The following ATIC variants were observed in gnomAD, a reference collection of about 807,000 sequenced individuals.
The protein encoded by ATIC is bifunctional purine biosynthesis protein ATIC.
In ATIC, 64 loss-of-function variants were observed where a neutral mutation model predicts 72.5. The observed-to-expected ratio is 0.88, with a 90% CI of 0.72 to 1.09. The LOEUF (loss-of-function observed/expected upper bound fraction) is 1.09. Ranked by LOEUF, ATIC falls within the 50% of genes least tolerant of loss-of-function variation. The probability of loss-of-function intolerance (pLI) is 0.00; values close to 1 mark genes in which losing one functional copy is unlikely to be tolerated. For synonymous variants in ATIC, 281 were observed against 267.1 expected (o/e 1.05, Z -0.51); for missense variants, 787 against 732.4 (o/e 1.07, Z -0.86).
chr2:215,364,780 C>T, the ATIC span: 109 of 792,936 alleles, frequency 1.4e-4, no homozygotes, highest in Non-Finnish European at 2.2e-4. Flanking sequence ...TTAATACTTC[C>T]GAAGGGTCTC....
At position 215,326,753 on chromosome 2, in the gene ATIC, G is replaced by A. The variant is rs552734441; in HGVS notation, c.532-69G>A. On this transcript the variant is annotated intron_variant, in intron 6 of 15. Transcript: ENST00000236959. ...TGAGGAGATGTTGTTTGCTGTGGAC[G>A]TAGAAAACCATCTTGTCCCCACTTT... 1.0e-5 allele frequency: 16 copies of A among 1,584,448 alleles called. No homozygotes were observed. The South Asian group carries it at 1.3e-4, about 13-fold the overall frequency.
the ATIC span, chr2:215,365,029 A>G: frequency 4.0e-6 from 5 of 1,265,522 alleles, no homozygotes; most frequent in South Asian, 3.8e-5. Context: ...GCTGAGAACA[A>G]TACTGCAGAC....
chr2:215,336,175 T>G, intron 11 of ATIC, 51 bp downstream of exon 11: 1 of 1,363,986 alleles, frequency 7.3e-7, no homozygotes, highest in Non-Finnish European at 1.0e-6. Flanking sequence ...ATTCTGTGTC[T>G]CTTTCTCCCT....
rs748288728 is a variant in ATIC at position 215,349,125 on chromosome 2, T to C, written c.1535T>C (p.Phe512Ser). ...GATTTGATAAAGTGGAAGGCACTGT[T>C]TGAGGAAGTCCCTGAGTTACTCACT... is the stretch of plus-strand genomic sequence containing the variant. ...DEDLIKWKAL[F>S]EEVPELLTEA... The change falls in exon 15 of 16, where the codon TTT (phenylalanine) becomes TCT (serine). Residue 512 changes from phenylalanine to serine, a missense_variant. By Grantham distance (155) the Phe-to-Ser change is radical (BLOSUM62 -2). Transcript: ENST00000236959. 6.2e-7 allele frequency: 1 copy of C among 1,614,090 alleles called. No individual in the cohort carries two copies. The highest frequency in any genetic ancestry group is 8.5e-7 in the Non-Finnish European group (1 of 1,180,002).
chr2:215,334,860 T>C (rs2052937812), intron 9 of ATIC, 59 bp from the exon 10 acceptor site: 8 of 1,370,846 alleles, frequency 5.8e-6, no homozygotes, highest in Middle Eastern at 1.8e-4. Flanking sequence ...GAGAATTTTA[T>C]TACTTTTTCT....
chr2:215,339,697 C>T (rs1339235421), intron 12 of ATIC, among the ~76,000 whole-genome samples: 4 of 151,756 alleles, frequency 2.6e-5, no homozygotes, highest in East Asian at 1.9e-4. Context: ...TGCAGTGGTG[C>T]GATCTCGGGT....
chr2:215,340,989 C>G (rs1313700880), intron 12 of ATIC, among the ~76,000 whole-genome samples: 2 of 152,150 alleles, frequency 1.3e-5, no homozygotes, highest in Admixed American at 6.5e-5. Context: ...GTCTCTTAAG[C>G]TATTTGCTGT....
chr2:215,347,596 T>G (rs1385769998), intron 14 of ATIC: 3 of 490,832 alleles, frequency 6.1e-6, no homozygotes, highest in Non-Finnish European at 1.2e-5. Flanking sequence ...AAGAGCCAAT[T>G]GACTACCCTC....
At chr2:215,362,266 A>C in the ATIC span, 1 of 621,656 alleles carries the variant, frequency 1.6e-6, no homozygotes, top group East Asian at 2.9e-5. Flanking sequence ...GCTTATTACC[A>C]TATCTTATAC....
At chr2:215,332,988 G>A (rs1037938315) in intron 8 of ATIC, among the ~76,000 whole-genome samples, 3 of 152,136 alleles carry the variant, frequency 2.0e-5, no homozygotes, top group African/African-American at 7.2e-5. Flanking sequence ...TGTTTATTGG[G>A]TGTTAAAGTG....
intron 3 of ATIC, among the ~76,000 whole-genome samples, chr2:215,319,050 T>A (rs952757469): frequency 2.0e-5 from 3 of 151,800 alleles, no homozygotes; most frequent in African/African-American, 7.3e-5. Context: ...CCAGCTAATT[T>A]TTGTATTTTT....
the ATIC span, chr2:215,364,393 T>C: frequency 8.7e-6 from 2 of 228,900 alleles, no homozygotes; most frequent in South Asian, 7.1e-5. Context: ...CTTAACACTT[T>C]GCTGAAAAAT....
At chr2:215,340,295 T>C (rs1328921043) in intron 12 of ATIC, among the ~76,000 whole-genome samples, 7 of 152,260 alleles carry the variant, frequency 4.6e-5, no homozygotes, top group African/African-American at 1.7e-4. Context: ...GATCACAAAA[T>C]TGTACCATAA....
At chr2:215,358,682 A>C in the ATIC span, among the ~76,000 whole-genome samples, 1 of 152,364 alleles carries the variant, frequency 6.6e-6, no homozygotes, top group East Asian at 1.9e-4. Flanking sequence ...AAGGCCTTGT[A>C]AATGTGTTTA....
intron 7 of ATIC, among the ~76,000 whole-genome samples, chr2:215,328,939 A>T (rs2052860388): frequency 6.6e-6 from 1 of 150,386 alleles, no homozygotes; most frequent in Non-Finnish European, 1.5e-5. Context: ...CTGGTTTTGA[A>T]CTCCTGACCT....
chr2:215,363,055 AT>A, the ATIC span: 25 of 152,286 alleles, frequency 1.6e-4, no homozygotes, highest in African/African-American at 5.5e-4. Context: ...GAATTTAAAT[AT>A]TTTAGACATA....
chr2:215,342,808 G>A lies in ATIC; in HGVS notation c.1228-1971G>A, dbSNP rs545709086. ...GATTCTCCTGCCTCAGCCTCCCAGG[G>A]AGCTGGGATTACAGGCATGCGGCAC... On this transcript the variant is annotated intron_variant, in intron 12 of 15. Transcript: ENST00000236959. Among the ~76,000 whole-genome samples, 636 of 152,108 alleles carry A rather than the reference G, an allele frequency of 4.2e-3. 4 individuals are homozygous for A. The highest frequency in any genetic ancestry group is 0.015 in the African/African-American group (603 of 41,504).
rs112288749 is a variant in ATIC at position 215,346,881 on chromosome 2, A to G, written c.1443A>G (p.Gly481=). The G allele has an allele frequency of 0.023, 37,422 of 1,614,178 alleles. 515 individuals carry two copies. Among genetic ancestry groups the G allele is most frequent in the Non-Finnish European group, 0.028 (33,090 of 1,180,026 alleles). The change falls in exon 14 of 16, where the codon GGA becomes GGG. Residue 481 remains glycine, a synonymous_variant. Transcript: ENST00000236959. ...TGCTTTCGATGAAGTTTAAAACAGG[A>G]GTGAAGAGAGCAGAAATCTCCAATG... The part of the protein sequence containing the change: ...PQVLSMKFKT[G]VKRAEISNAI...
chr2:215,368,109 TA>T, the ATIC span: 1 of 1,377,154 alleles, frequency 7.3e-7, no homozygotes, highest in Non-Finnish European at 1.0e-6. Context: ...AATGACTGTA[TA>T]CAATGACTTA....
Sources: gnomAD v4.1 joint callset for allele counts (sites outside exome capture counted in the v4.1 genomes callset) on GRCh38, gnomAD v4.1.1 for gene constraint, MANE v1.5 for transcripts, NCBI Gene and HGNC (gene_info 2026-07-23, HGNC 2026-07-21) for gene names.